Variants in SAMD3 observed in about 807,000 individuals in gnomAD.
SAMD3 encodes the protein sterile alpha motif domain-containing protein 3.
A neutral mutation model predicts 58.5 loss-of-function variants in SAMD3; 63 were observed. The observed-to-expected ratio is 1.08, with a 90% CI of 0.88 to 1.33. The LOEUF is 1.33. Ranked by LOEUF, SAMD3 falls within the 40% of genes most tolerant of loss-of-function variation. The pLI, the probability that SAMD3 is intolerant of heterozygous loss-of-function variation, is 0.00. For synonymous variants in SAMD3, 220 were observed against 210.3 expected (o/e 1.05, Z -0.40); for missense variants, 604 against 608.4 (o/e 0.99, Z 0.08).
At chr6:130,250,003 T>A (rs918714629) in intron 2 of SAMD3, among the ~76,000 whole-genome samples, 2 of 151,722 alleles carry the variant, frequency 1.3e-5, no homozygotes, top group African/African-American at 2.4e-5. Flanking sequence ...AATCACAGAG[T>A]TTGATGCTAA....
chr6:130,304,591 GAA>G (rs1217470380), intron 2 of SAMD3, among the ~76,000 whole-genome samples: 1 of 152,026 alleles, frequency 6.6e-6, no homozygotes, highest in Non-Finnish European at 1.5e-5. Flanking sequence ...ACTTTTTACT[GAA>G]GTTAAAACAA....
chr6:130,151,324 G>C (rs1789151988), intron 9 of SAMD3, among the ~76,000 whole-genome samples: 1 of 152,000 alleles, frequency 6.6e-6, no homozygotes, highest in Non-Finnish European at 1.5e-5. Flanking sequence ...GAGTGCAGTT[G>C]CCTCATACAT....
chr6:130,218,110 T>C (rs557125212), intron 1 of SAMD3, among the ~76,000 whole-genome samples: 1 of 152,294 alleles, frequency 6.6e-6, no homozygotes, highest in South Asian at 2.1e-4. Context: ...GCTGGGTTCT[T>C]GTCACACTGC....
intron 1 of SAMD3, among the ~76,000 whole-genome samples, chr6:130,357,637 C>T (rs1777873782): frequency 6.6e-6 from 1 of 152,172 alleles, no homozygotes; most frequent in South Asian, 2.1e-4. Context: ...CTAGCCTTAA[C>T]ATTCGTTTGC....
intron 9 of SAMD3, among the ~76,000 whole-genome samples, chr6:130,153,529 G>A (rs1358384651): frequency 1.3e-5 from 2 of 151,214 alleles, no homozygotes; most frequent in Non-Finnish European, 2.9e-5. Flanking sequence ...TAAAACCTTT[G>A]ATGATCTTTC....
At position 130,214,397 on chromosome 6, in the gene SAMD3, A is replaced by C; in HGVS notation, c.209T>G (p.Leu70Arg). The C allele has an allele frequency of 6.2e-7, 1 of 1,611,264 alleles. No homozygotes were observed. Among genetic ancestry groups the C allele is most frequent in the Non-Finnish European group, 8.5e-7 (1 of 1,178,614 alleles). The change falls in exon 4 of 12, where the codon CTG becomes CGG. Residue 70 changes from leucine to arginine, a missense_variant. Physicochemically the swap from Leu to Arg is moderately radical, Grantham distance 102 (BLOSUM62 -2). Transcript: ENST00000439090. Reference sequence around the variant, plus strand: ...CTTTTTGGGGTTTTCTGGGGACTTCAGTCCTTGAGTGTTCTGCTTGTATTT... The same window carrying C: ...CTTTTTGGGGTTTTCTGGGGACTTCCGTCCTTGAGTGTTCTGCTTGTATTT... The part of the protein sequence containing the change: ...IKKYKQNTQG[L>R]KSPENPKKAA...
At chr6:130,365,827 A>C, upstream of SAMD3, 3 of 985,618 alleles carry the variant, frequency 3.0e-6, no homozygotes, top group Non-Finnish European at 3.6e-6. Flanking sequence ...CCTGCAGAGC[A>C]GATCCTGTCT....
At chr6:130,185,246 G>C (rs372931641) in intron 5 of SAMD3, among the ~76,000 whole-genome samples, 1 of 152,150 alleles carries the variant, frequency 6.6e-6, no homozygotes, top group African/African-American at 2.4e-5. Context: ...GATGAGGGTG[G>C]ATAAAATGGG....
chr6:130,222,061 C>A (rs1484695573), intron 1 of SAMD3, among the ~76,000 whole-genome samples: 1 of 152,146 alleles, frequency 6.6e-6, no homozygotes, highest in African/African-American at 2.4e-5. Flanking sequence ...ATATTATTCC[C>A]ATTTTATAAT....
Position 130,176,079 on chromosome 6 carries a change from C to T in SAMD3, c.655-71G>A, listed in dbSNP as rs1486023847. ...ATCCTATATAAACAATACGTCTATA[C>T]AACAACAATACATACCTATCATCTT... On this transcript the variant is annotated intron_variant, in intron 7 of 11. Coordinates refer to ENST00000439090, the MANE Select transcript of SAMD3 (RefSeq NM_001017373.4). 3.4e-6 allele frequency: 4 copies of T among 1,176,744 alleles called. No individual in the cohort carries two copies. The African/African-American group carries it at 4.5e-5, about 13-fold the overall frequency. The allele number at this position is 1,176,744 out of a possible 1,614,324, so 72.9% of individuals were successfully genotyped here. A position where few individuals can be genotyped will look rare whatever the true frequency, so the allele number is the denominator to read the frequency against.
upstream of SAMD3, chr6:130,365,591 C>G (rs1364525022): frequency 4.1e-6 from 4 of 985,294 alleles, no homozygotes; most frequent in Admixed American, 6.1e-5. Context: ...CCAGCCGCTC[C>G]GGAGAACTGG....
intron 1 of SAMD3, among the ~76,000 whole-genome samples, chr6:130,218,118 T>A (rs985313405): frequency 5.9e-5 from 9 of 152,208 alleles, no homozygotes; most frequent in Non-Finnish European, 1.3e-4. Flanking sequence ...CTTGTCACAC[T>A]GCCATGAAAT....
chr6:130,150,937 C>G (rs1015271278), intron 9 of SAMD3, among the ~76,000 whole-genome samples: 1 of 152,052 alleles, frequency 6.6e-6, no homozygotes, highest in African/African-American at 2.4e-5. Context: ...GTCTCGAACT[C>G]CCGACCTCAA....
rs1788423602 is a variant in SAMD3, at chr6:130,144,369, G to A, written c.*151C>T. ...TTCACAAAGAACTTAATATCTAAGT[G>A]TAAAGATAGAAAGCATTGAAATTCA... is the stretch of plus-strand genomic sequence containing the variant. On this transcript the variant is annotated 3_prime_UTR_variant, in exon 12 of 12. Coordinates refer to ENST00000439090, the MANE Select transcript of SAMD3 (RefSeq NM_001017373.4). 2 of 652,330 alleles carry A rather than the reference G, an allele frequency of 3.1e-6. No individual in the cohort carries two copies. The highest frequency in any genetic ancestry group is 3.4e-5 in the Admixed American group (1 of 29,818). The allele number at this position is 652,330 out of a possible 1,614,324, so 40.4% of individuals were successfully genotyped here.
chr6:130,294,909 ATTTTTTTTTTTTTTTTTTTT>A (rs774036634), intron 2 of SAMD3, among the ~76,000 whole-genome samples: 2 of 56,146 alleles, frequency 3.6e-5, no homozygotes, highest in Admixed American at 2.0e-4. Flanking sequence ...CATTTCTCTG[ATTTTTTTTTTTTTTTTTTTT>A]TTTTTTTTTT....
chr6:130,177,354 A>G (rs751217820), intron 7 of SAMD3, among the ~76,000 whole-genome samples: 3 of 152,094 alleles, frequency 2.0e-5, no homozygotes, highest in Non-Finnish European at 4.4e-5. Context: ...TCCAGATTTG[A>G]GCTCTGGAAG....
intron 1 of SAMD3, among the ~76,000 whole-genome samples, chr6:130,340,724 T>C (rs995091865): frequency 6.6e-6 from 1 of 152,240 alleles, no homozygotes; most frequent in Admixed American, 6.5e-5. Flanking sequence ...AAGAAAATAC[T>C]AGGTCTGATC....
At position 130,215,206 on chromosome 6, in the gene SAMD3, T is replaced by C; in HGVS notation, c.68A>G (p.His23Arg). The C allele has an allele frequency of 6.3e-7, 1 of 1,593,416 alleles. No homozygotes were observed. The highest frequency in any genetic ancestry group is 8.6e-7 in the Non-Finnish European group (1 of 1,162,134). ...LVEKNLGELV[H>R]RFQEEEVSGA... is the part of the protein sequence containing the mutation. The stretch of plus-strand genomic sequence containing the variant: ...CATAAACAACTCACCTTGAAATCTA[T>C]GAACTAGCTCTCCTAAATTTTTCTC... Residue 23 changes from histidine to arginine, a missense_variant, in exon 3 of 12, where the codon CAT (histidine) becomes CGT (arginine). By Grantham distance (29) the His-to-Arg change is conservative. Coordinates refer to ENST00000439090, the MANE Select transcript of SAMD3 (RefSeq NM_001017373.4).
At chr6:130,145,856 TA>T (rs1788573586) in intron 10 of SAMD3, among the ~76,000 whole-genome samples, 153 bp downstream of exon 10, 1 of 151,802 alleles carries the variant, frequency 6.6e-6, no homozygotes, top group Non-Finnish European at 1.5e-5. Context: ...TATTATTAAA[TA>T]TATTTTAGTA....
Sources: allele counts gnomAD v4.1 joint callset (sites outside exome capture counted in the v4.1 genomes callset), GRCh38; gene constraint gnomAD v4.1.1; transcripts MANE v1.5; gene names NCBI Gene and HGNC (gene_info 2026-07-23, HGNC 2026-07-21).